PRR16: variants seen among roughly 807,000 people sequenced by gnomAD.
PRR16 encodes proline rich 16.
A neutral mutation model predicts 18.2 loss-of-function variants in PRR16; 6 were observed. The ratio of observed to expected loss-of-function variants is 0.33; its 90% CI spans 0.18 to 0.65. PRR16 has a LOEUF of 0.65. PRR16 is among the 30% of genes least tolerant of loss of function. The pLI, the probability that PRR16 is intolerant of heterozygous loss-of-function variation, is 0.74. For missense variants in PRR16, 412 were observed against 376.6 expected, an observed-to-expected ratio of 1.09 and a Z score of -0.78; for synonymous variants, 151 against 147.8, an observed-to-expected ratio of 1.02 and a Z score of -0.16.
chr5:120,727,243 C>T, the PRR16 span, among the ~76,000 whole-genome samples: 1 of 151,920 alleles, frequency 6.6e-6, no homozygotes, highest in African/African-American at 2.4e-5. Flanking sequence ...TACTTGTCTC[C>T]CTTTGCCTTA....
At chr5:120,478,343 C>T (rs932124975) in intron 1 of PRR16, among the ~76,000 whole-genome samples, 16 of 152,186 alleles carry the variant, frequency 1.1e-4, no homozygotes, top group African/African-American at 3.1e-4. Context: ...GATTGGCTGG[C>T]GGGAGCTCTT....
the PRR16 span, among the ~76,000 whole-genome samples, chr5:120,774,710 A>G: frequency 3.9e-5 from 6 of 152,186 alleles, no homozygotes; most frequent in African/African-American, 1.4e-4. Flanking sequence ...TTTTAAAATA[A>G]TACTTTTCTA....
chr5:120,715,647 C>G, the PRR16 span, among the ~76,000 whole-genome samples: 1 of 152,160 alleles, frequency 6.6e-6, no homozygotes, highest in Non-Finnish European at 1.5e-5. Flanking sequence ...GCCTGATTAT[C>G]ATGTTAAAAC....
intron 1 of PRR16, among the ~76,000 whole-genome samples, chr5:120,534,643 C>T (rs1580696728): frequency 6.6e-6 from 1 of 152,086 alleles, no homozygotes; most frequent in African/African-American, 2.4e-5. Context: ...TTTCTTCTCT[C>T]CTTACACACT....
the PRR16 span, among the ~76,000 whole-genome samples, chr5:120,776,222 C>T: frequency 6.6e-6 from 1 of 152,096 alleles, no homozygotes; most frequent in Non-Finnish European, 1.5e-5. Context: ...AAATTCTATT[C>T]ATCCTTCATA....
chr5:120,627,272 C>T (rs899232322), intron 1 of PRR16, among the ~76,000 whole-genome samples: 4 of 152,128 alleles, frequency 2.6e-5, no homozygotes, highest in Admixed American at 6.6e-5. Context: ...TAGTCTTATA[C>T]AATCTGTACA....
the PRR16 span, among the ~76,000 whole-genome samples, chr5:120,793,063 G>A: frequency 6.6e-6 from 1 of 152,090 alleles, no homozygotes; most frequent in Admixed American, 6.6e-5. Context: ...GAGGTGGGAG[G>A]ATGGCTTGAG....
intron 1 of PRR16, among the ~76,000 whole-genome samples, chr5:120,496,144 A>G (rs1750237718): frequency 6.6e-6 from 1 of 152,038 alleles, no homozygotes; most frequent in Non-Finnish European, 1.5e-5. Context: ...ATGCTACTTG[A>G]TCATGCTGTA....
At chr5:120,570,880 A>G (rs963942254) in intron 1 of PRR16, among the ~76,000 whole-genome samples, 1 of 152,176 alleles carries the variant, frequency 6.6e-6, no homozygotes, top group African/African-American at 2.4e-5. Flanking sequence ...AAAGAAGAAT[A>G]TGAATACAAT....
At chr5:120,521,092 G>A (rs1022575801) in intron 1 of PRR16, among the ~76,000 whole-genome samples, 9 of 152,152 alleles carry the variant, frequency 5.9e-5, no homozygotes, top group Non-Finnish European at 8.8e-5. Flanking sequence ...AAATTGGTAC[G>A]GCCCTTTAGA....
chr5:120,561,318 A>C (rs1434676101), intron 1 of PRR16, among the ~76,000 whole-genome samples: 1 of 151,912 alleles, frequency 6.6e-6, no homozygotes, highest in Non-Finnish European at 1.5e-5. Context: ...TTATGTTTCC[A>C]TTATCATTTG....
At chr5:120,709,738 T>C in the PRR16 span, among the ~76,000 whole-genome samples, 1 of 152,192 alleles carries the variant, frequency 6.6e-6, no homozygotes, top group African/African-American at 2.4e-5. Context: ...CATAGGATAG[T>C]TGTCTTTCTA....
chr5:120,605,463 G>A (rs1754123810), intron 1 of PRR16, among the ~76,000 whole-genome samples: 1 of 152,056 alleles, frequency 6.6e-6, no homozygotes, highest in Admixed American at 6.6e-5. Flanking sequence ...TTTAAACTTT[G>A]TCCTGTATCT....
At chr5:120,669,655 T>C (rs1409460921) in intron 1 of PRR16, among the ~76,000 whole-genome samples, 1 of 152,104 alleles carries the variant, frequency 6.6e-6, no homozygotes, top group Non-Finnish European at 1.5e-5. Flanking sequence ...TTACCCAGCA[T>C]ATTTTAAGAG....
At chr5:120,481,226 C>T (rs1314313685) in intron 1 of PRR16, 27 of 558,928 alleles carry the variant, frequency 4.8e-5, no homozygotes, top group Non-Finnish European at 7.7e-5. Flanking sequence ...GGGCTCACTG[C>T]AACCTCTGCC....
intron 1 of PRR16, among the ~76,000 whole-genome samples, chr5:120,517,152 A>G (rs1252092663): frequency 6.6e-6 from 1 of 152,246 alleles, no homozygotes; most frequent in Non-Finnish European, 1.5e-5. Flanking sequence ...ATATTACAAC[A>G]GAGAATATAC....
chr5:120,750,060 T>G, the PRR16 span, among the ~76,000 whole-genome samples: 1 of 152,194 alleles, frequency 6.6e-6, no homozygotes, highest in Non-Finnish European at 1.5e-5. Context: ...ATTTTTTCAT[T>G]TATTTTGTTG....
At position 120,685,980 on chromosome 5, in the gene PRR16, C is replaced by T. The variant is rs553263731; in HGVS notation, c.186C>T (p.Thr62=). 6 of 1,613,826 alleles carry T rather than the reference C, an allele frequency of 3.7e-6. No homozygotes were observed. The highest frequency in any genetic ancestry group is 1.7e-5 in the Admixed American group (1 of 60,010). The change falls in exon 2 of 2, where the codon ACC becomes ACT. Residue 62 remains threonine (T), a synonymous_variant. Coordinates refer to ENST00000407149, the MANE Select transcript of PRR16 (RefSeq NM_001300783.2). Reference sequence around the variant, plus strand: ...TGGTTGACCAGATTGACACCCTGACCTCTGACCTACAGCTGGAGGATGAGA... The same window carrying T: ...TGGTTGACCAGATTGACACCCTGACTTCTGACCTACAGCTGGAGGATGAGA... The part of the protein sequence containing the change: ...KEVVDQIDTL[T]SDLQLEDEMT...
the PRR16 span, among the ~76,000 whole-genome samples, chr5:120,786,141 ATT>A: frequency 1.5e-5 from 2 of 136,400 alleles, no homozygotes; most frequent in East Asian, 4.2e-4. Flanking sequence ...GTTGAATTTT[ATT>A]GTTTTATGAG....
Sources: allele counts gnomAD v4.1 joint callset (sites outside exome capture counted in the v4.1 genomes callset), GRCh38; gene constraint gnomAD v4.1.1; transcripts MANE v1.5; gene names NCBI Gene and HGNC (gene_info 2026-07-23, HGNC 2026-07-21).